GPC5: variants seen among roughly 807,000 people sequenced by gnomAD.
GPC5 encodes glypican-5.
GPC5 carries 47 observed loss-of-function variants against 53.9 expected under a neutral mutation model. The observed-to-expected ratio is 0.87, with a 90% CI of 0.69 to 1.11. The LOEUF (loss-of-function observed/expected upper bound fraction) is 1.11, where lower values mean the gene tolerates loss of function less well. Ranked by LOEUF, GPC5 falls within the 50% of genes most tolerant of loss-of-function variation. The pLI, the probability that GPC5 is intolerant of heterozygous loss-of-function variation, is 0.00. For synonymous variants in GPC5, 286 were observed against 263.3 expected (o/e 1.09, Z -0.84); for missense variants, 748 against 713.1 (o/e 1.05, Z -0.56).
At chr13:91,673,567 A>G (rs2035300955) in intron 2 of GPC5, among the ~76,000 whole-genome samples, 1 of 152,206 alleles carries the variant, frequency 6.6e-6, no homozygotes, top group Non-Finnish European at 1.5e-5. Flanking sequence ...TTTAGATGTA[A>G]GCTTCCTTAG....
chr13:91,787,111 A>G (rs1003601991), intron 5 of GPC5, among the ~76,000 whole-genome samples: 9 of 151,938 alleles, frequency 5.9e-5, no homozygotes, highest in African/African-American at 2.2e-4. Context: ...ATTCTATAGG[A>G]TTTTCTATGT....
chr13:92,497,100 T>C (rs1880008222), intron 7 of GPC5, among the ~76,000 whole-genome samples: 1 of 152,198 alleles, frequency 6.6e-6, no homozygotes, highest in African/African-American at 2.4e-5. Flanking sequence ...CAGAAGTTCT[T>C]TAGTTTAATT....
intron 7 of GPC5, among the ~76,000 whole-genome samples, chr13:92,253,670 G>A (rs2042707391): frequency 6.6e-6 from 1 of 151,812 alleles, no homozygotes; most frequent in Non-Finnish European, 1.5e-5. Flanking sequence ...ACATGAAGTG[G>A]ATTTTTAATT....
At chr13:92,150,040 G>T (rs1380757931) in intron 7 of GPC5, among the ~76,000 whole-genome samples, 1 of 151,680 alleles carries the variant, frequency 6.6e-6, no homozygotes, top group Non-Finnish European at 1.5e-5. Context: ...AGCTTACTTT[G>T]TAAACTGTTG....
chr13:92,017,174 C>T (rs1249425355), intron 6 of GPC5, among the ~76,000 whole-genome samples: 1 of 152,104 alleles, frequency 6.6e-6, no homozygotes, highest in Non-Finnish European at 1.5e-5. Flanking sequence ...CTAGCATCCT[C>T]GGACACCAAG....
chr13:92,548,816 C>T (rs1227159503), intron 7 of GPC5, among the ~76,000 whole-genome samples: 1 of 152,046 alleles, frequency 6.6e-6, no homozygotes, highest in South Asian at 2.1e-4. Context: ...AAATTGGAAA[C>T]CCATTTCCCA....
chr13:91,974,501 A>C (rs1026000508), intron 6 of GPC5, among the ~76,000 whole-genome samples: 1 of 151,960 alleles, frequency 6.6e-6, no homozygotes, highest in African/African-American at 2.4e-5. Context: ...CCAAATCATG[A>C]GTGAACTCCC....
chr13:91,841,582 C>G (rs546929085), intron 5 of GPC5, among the ~76,000 whole-genome samples: 14 of 148,554 alleles, frequency 9.4e-5, no homozygotes, highest in Non-Finnish European at 1.7e-4. Flanking sequence ...TAGAAGTAGT[C>G]AGCTTTAACA....
At chr13:92,377,529 A>T (rs969394353) in intron 7 of GPC5, among the ~76,000 whole-genome samples, 4 of 152,204 alleles carry the variant, frequency 2.6e-5, no homozygotes, top group African/African-American at 9.6e-5. Context: ...CCAGCTTGGA[A>T]TGCATCGAGC....
chr13:92,704,062 G>A (rs1887859362), intron 7 of GPC5, among the ~76,000 whole-genome samples: 1 of 152,020 alleles, frequency 6.6e-6, no homozygotes, highest in Non-Finnish European at 1.5e-5. Context: ...GACTATGCAA[G>A]TAATTCTGGC....
At chr13:92,679,464 G>A (rs1887048809) in intron 7 of GPC5, among the ~76,000 whole-genome samples, 1 of 152,282 alleles carries the variant, frequency 6.6e-6, no homozygotes, top group South Asian at 2.1e-4. Flanking sequence ...CTTCCCTGAG[G>A]TGATGATACT....
At chr13:92,373,768 G>A (rs542782544) in intron 7 of GPC5, among the ~76,000 whole-genome samples, 23 of 152,240 alleles carry the variant, frequency 1.5e-4, no homozygotes, top group South Asian at 1.4e-3. Flanking sequence ...TAGATTAATC[G>A]TAATCAGCTC....
chr13:92,528,826 A>G (rs1383485127), intron 7 of GPC5, among the ~76,000 whole-genome samples: 3 of 151,978 alleles, frequency 2.0e-5, no homozygotes, highest in Non-Finnish European at 2.9e-5. Flanking sequence ...TAGGGTACCC[A>G]TATTTTATAA....
At chr13:92,545,469 G>C (rs1356253249) in intron 7 of GPC5, among the ~76,000 whole-genome samples, 5 of 152,098 alleles carry the variant, frequency 3.3e-5, no homozygotes, top group Non-Finnish European at 7.3e-5. Context: ...GGTATTTCTA[G>C]TTCTAGATCC....
intron 2 of GPC5, among the ~76,000 whole-genome samples, chr13:91,541,039 A>T (rs1424976412): frequency 2.0e-5 from 3 of 152,186 alleles, no homozygotes; most frequent in African/African-American, 7.2e-5. Context: ...TATATGAATT[A>T]TATCTCAAAA....
rs770595923 is a variant in GPC5 at position 92,352,365 on chromosome 13, ATGT to A, written c.1561+207380_1561+207382del. Among the ~76,000 whole-genome samples the A allele has an allele frequency of 1.2e-4, 19 of 152,354 alleles. No homozygotes were observed. In the East Asian group the frequency reaches 2.1e-3, roughly 17 times the overall value. On this transcript the variant is annotated intron_variant, in intron 7 of 7. Transcript: ENST00000377067. Reference sequence around the variant, plus strand: ...CATAAAAGGTTGGTTATAACAGGAAATGTTGTGTTTAATTATATTAAGAGAATT... The same window carrying A: ...CATAAAAGGTTGGTTATAACAGGAAATGTGTTTAATTATATTAAGAGAATT...
At chr13:91,960,151 A>G (rs2040113377) in intron 6 of GPC5, among the ~76,000 whole-genome samples, 1 of 137,532 alleles carries the variant, frequency 7.3e-6, no homozygotes. Context: ...CTTTACTGAT[A>G]ATATGATCTT....
chr13:91,548,669 G>A lies in GPC5; in HGVS notation c.325+99747G>A, dbSNP rs570945704. Among the ~76,000 whole-genome samples the A allele has an allele frequency of 5.0e-4, 76 of 152,284 alleles. 1 individual carries two copies. The highest frequency in any genetic ancestry group is 4.5e-3 in the Admixed American group (69 of 15,292). ...CAACACAATATTGAAGGAGAAGAAC[G>A]AAGTTGGAGGACTGACACTACCTGA... On this transcript the variant is annotated intron_variant, in intron 2 of 7. Transcript: ENST00000377067.
chr13:91,866,558 T>TC (rs1454042501), intron 5 of GPC5, among the ~76,000 whole-genome samples: 1 of 151,868 alleles, frequency 6.6e-6, no homozygotes, highest in African/African-American at 2.4e-5. Flanking sequence ...ATACTTCGGC[T>TC]CCCCCTTTGC....
Sources: allele counts gnomAD v4.1 joint callset (sites outside exome capture counted in the v4.1 genomes callset), GRCh38; gene constraint gnomAD v4.1.1; transcripts MANE v1.5; gene names NCBI Gene and HGNC (gene_info 2026-07-23, HGNC 2026-07-21).